The following ACOT7 variants were observed in gnomAD, a reference collection of about 807,000 sequenced individuals.
ACOT7 encodes acyl-CoA thioesterase 7.
In ACOT7, 12 loss-of-function variants were observed where a neutral mutation model predicts 40.2. The observed-to-expected ratio is 0.30, with a 90% CI of 0.19 to 0.48. ACOT7 has a LOEUF of 0.48. ACOT7 is among the 20% of genes least tolerant of loss of function. The probability of loss-of-function intolerance (pLI) is 0.99; values close to 1 mark genes in which losing one functional copy is unlikely to be tolerated. For synonymous variants in ACOT7, 228 were observed against 219.5 expected (o/e 1.04, Z -0.34); for missense variants, 395 against 530.8 (o/e 0.74, Z 2.51).
chr1:6,306,183 G>C lies in ACOT7; in HGVS notation c.713-11203C>G. On this transcript the variant is annotated intron_variant, in intron 6 of 8. Transcript: ENST00000361521. The surrounding 1 kb of genome is among the most constrained non-coding windows in gnomAD (Gnocchi z 4.3). ...CGGCATCAGAGGGAGACCGTGGCAA[G>C]AGAGGGAGAGGGAGACCGTGGGGAG... The C allele has an allele frequency of 1.1e-6, 1 of 915,814 alleles. No homozygotes were observed. The highest frequency in any genetic ancestry group is 1.3e-6 in the Non-Finnish European group (1 of 771,498). The allele number at this position is 915,814 out of a possible 1,614,324, so 56.7% of individuals were successfully genotyped here. A position where few individuals can be genotyped will look rare whatever the true frequency, so the allele number is the denominator to read the frequency against.
intron 1 of ACOT7, 66 bp downstream of exon 1, chr1:6,393,191 G>A: frequency 8.2e-7 from 1 of 1,220,102 alleles, no homozygotes; most frequent in Non-Finnish European, 1.0e-6. Flanking sequence ...AGAGCCAAGC[G>A]GGGCAGGCCT....
At chr1:6,371,575 C>G (rs896776265) in intron 1 of ACOT7, among the ~76,000 whole-genome samples, 9 of 151,616 alleles carry the variant, frequency 5.9e-5, no homozygotes, top group Non-Finnish European at 1.2e-4. Flanking sequence ...GTTGGCCAGG[C>G]TGGTCTCAAA....
In ACOT7 at chr1:6,264,372, G is replaced by A. The variant is rs952534595; in HGVS notation, c.*225C>T. The A allele has an allele frequency of 1.3e-5, 7 of 518,836 alleles. No homozygotes were observed. The highest frequency in any genetic ancestry group is 7.8e-5 in the Admixed American group (2 of 25,784). 32.1% of individuals were successfully genotyped at this position (518,836 alleles called of 1,614,324 possible). ...GGGTTTCTGCCCAACGCCTCCCGGC[G>A]CTCGGGACAACACTGTGTAGCATTG... On this transcript the variant is annotated 3_prime_UTR_variant, in exon 9 of 9. Transcript: ENST00000361521.
chr1:6,304,890 G>A (rs1171022720), intron 6 of ACOT7, among the ~76,000 whole-genome samples: 1 of 140,524 alleles, frequency 7.1e-6, no homozygotes, highest in South Asian at 2.2e-4. Flanking sequence ...ATCATGGCCC[G>A]TTCTCAATGA....
rs368385677 is a variant in ACOT7, at chr1:6,337,577, CCT to C, written c.418+1854_418+1855del. The stretch of plus-strand genomic sequence containing the variant: ...TAGGGAGTTCCTCAAGCTCAGTACC[CCT>C]GACCTTTGGCCTGCATCACTCTCTG... On this transcript the variant is annotated intron_variant, in intron 3 of 8. Transcript: ENST00000361521. 8.9e-4 allele frequency among the ~76,000 whole-genome samples: 136 copies of C among 152,314 alleles called. 1 individual carries two copies. The highest frequency in any genetic ancestry group is 3.0e-3 in the African/African-American group (123 of 41,568).
intron 1 of ACOT7, among the ~76,000 whole-genome samples, chr1:6,389,648 G>A (rs1343971087): frequency 6.6e-6 from 1 of 151,952 alleles, no homozygotes; most frequent in African/African-American, 2.4e-5. Context: ...GCTGGGCGTG[G>A]TGGCGGGCGT....
chr1:6,342,546 C>T (rs994174111), intron 2 of ACOT7, among the ~76,000 whole-genome samples: 1 of 152,236 alleles, frequency 6.6e-6, no homozygotes, highest in Non-Finnish European at 1.5e-5. Flanking sequence ...CTCACTGCAG[C>T]CTCAAACTCC....
chr1:6,350,010 A>G, intron 1 of ACOT7, 144 bp from the exon 2 acceptor site: 1 of 802,460 alleles, frequency 1.2e-6, no homozygotes, highest in South Asian at 1.6e-5. Context: ...GGCTCTTCCT[A>G]GGTGGTGTGT....
In ACOT7 at chr1:6,374,985, T is replaced by C. The variant is rs147521437; in HGVS notation, c.143+18272A>G. Among the ~76,000 whole-genome samples the C allele has an allele frequency of 3.8e-3, 582 of 152,228 alleles. 5 individuals carry two copies. Among genetic ancestry groups the C allele is most frequent in the African/African-American group, 0.013 (560 of 41,550 alleles). ...AGCTCTGAGAAAGACACTGTTAAGA[T>C]AATGGAGACAGGCCGGGCGCGGTGG... On this transcript the variant is annotated intron_variant, in intron 1 of 8. Coordinates refer to ENST00000361521, the MANE Select transcript of ACOT7 (RefSeq NM_007274.4).
At chr1:6,374,183 C>G (rs532504804) in intron 1 of ACOT7, among the ~76,000 whole-genome samples, 1 of 152,222 alleles carries the variant, frequency 6.6e-6, no homozygotes, top group Non-Finnish European at 1.5e-5. Flanking sequence ...GGCCTGGTCC[C>G]CATGCTGGCA....
chr1:6,280,100 G>C (rs957803045), intron 8 of ACOT7, among the ~76,000 whole-genome samples: 1 of 152,224 alleles, frequency 6.6e-6, no homozygotes, highest in Non-Finnish European at 1.5e-5. Flanking sequence ...GGTCAGCCTC[G>C]CAGGGCCGTG....
chr1:6,370,305 G>A lies in ACOT7; in HGVS notation c.144-20439C>T, dbSNP rs1408666384. ...CTTGCAGAACCATGAGCCAAATAAA[G>A]CTCTTTCCTTCATAAATTACCCAGC... On this transcript the variant is annotated intron_variant, in intron 1 of 8. Transcript: ENST00000361521. 2.6e-5 allele frequency among the ~76,000 whole-genome samples: 4 copies of A among 152,104 alleles called. No individual in the cohort carries two copies. The East Asian group carries it at 7.7e-4, about 29-fold the overall frequency.
intron 2 of ACOT7, among the ~76,000 whole-genome samples, chr1:6,344,947 T>C (rs1161704274): frequency 1.3e-5 from 2 of 152,116 alleles, no homozygotes; most frequent in Non-Finnish European, 2.9e-5. Context: ...TGGGTACAGA[T>C]GGCAGGAGCC....
chr1:6,280,155 C>T (rs188876818), intron 8 of ACOT7, among the ~76,000 whole-genome samples: 166 of 152,352 alleles, frequency 1.1e-3, no homozygotes, highest in Non-Finnish European at 2.0e-3. Context: ...TCCCAAGAGG[C>T]CTGCGGGCAC....
chr1:6,334,540 T>C (rs1641048243), intron 3 of ACOT7, among the ~76,000 whole-genome samples: 1 of 152,190 alleles, frequency 6.6e-6, no homozygotes, highest in Non-Finnish European at 1.5e-5. Context: ...CCCAGGAACT[T>C]CCTTTCCTTC....
intron 7 of ACOT7, among the ~76,000 whole-genome samples, chr1:6,284,507 C>T (rs1226983684): frequency 2.8e-5 from 4 of 144,942 alleles, no homozygotes; most frequent in Admixed American, 7.2e-5. Context: ...ACCCGGGAGG[C>T]GCAGGTTGCA....
At chr1:6,348,446 C>T (rs114753422) in intron 2 of ACOT7, among the ~76,000 whole-genome samples, 11,917 of 152,210 alleles carry the variant, frequency 0.078, 1,083 homozygotes, top group African/African-American at 0.22. Flanking sequence ...GCTGTCCCCA[C>T]CTCCCAAAAT....
intron 5 of ACOT7, among the ~76,000 whole-genome samples, chr1:6,323,672 C>T (rs1470386163): frequency 7.4e-6 from 1 of 136,044 alleles, no homozygotes; most frequent in East Asian, 2.1e-4. Flanking sequence ...GAGCCGAGAT[C>T]GCACCATTGC....
At chr1:6,323,969 G>C (rs1640730742) in intron 5 of ACOT7, among the ~76,000 whole-genome samples, 1 of 151,872 alleles carries the variant, frequency 6.6e-6, no homozygotes, top group Non-Finnish European at 1.5e-5. Context: ...CTCCAGGGCA[G>C]AGACGGAGGG....
Sources: allele counts gnomAD v4.1 joint callset (sites outside exome capture counted in the v4.1 genomes callset), GRCh38; gene constraint gnomAD v4.1.1; non-coding constraint Gnocchi (gnomAD v3.1); transcripts MANE v1.5; gene names NCBI Gene and HGNC (gene_info 2026-07-23, HGNC 2026-07-21).